The following MEF2A variants were observed in gnomAD, a reference collection of about 807,000 sequenced individuals.
MEF2A encodes the protein myocyte enhancer factor 2A.
In MEF2A, 28 loss-of-function variants were observed where a neutral mutation model predicts 55.8. The observed-to-expected ratio is 0.50, with a 90% confidence interval of 0.37 to 0.69. The LOEUF (loss-of-function observed/expected upper bound fraction) is 0.69. Among genes scored for constraint, MEF2A ranks in the 30% least tolerant of loss-of-function variants. The pLI, the probability that MEF2A is intolerant of heterozygous loss-of-function variation, is 0.00. For synonymous variants in MEF2A, 239 were observed against 227.1 expected (o/e 1.05, Z -0.47); for missense variants, 528 against 626.2 (o/e 0.84, Z 1.67).
chr15:99,605,758 C>G (rs150678457), intron 2 of MEF2A, among the ~76,000 whole-genome samples: 3,178 of 151,648 alleles, frequency 0.021, 130 homozygotes, highest in African/African-American at 0.07. Flanking sequence ...ATCACCTGAG[C>G]CTAGGAGTTC....
chr15:99,624,940 A>T (rs568759945), intron 2 of MEF2A, among the ~76,000 whole-genome samples: 2 of 152,084 alleles, frequency 1.3e-5, no homozygotes, highest in African/African-American at 4.8e-5. Flanking sequence ...TTGACTTACG[A>T]TTTTTCGACT....
chr15:99,709,733 A>G (rs2058411985), intron 10 of MEF2A, among the ~76,000 whole-genome samples: 1 of 152,190 alleles, frequency 6.6e-6, no homozygotes. Flanking sequence ...TCCCCGTGTG[A>G]GTGATAACTA....
chr15:99,588,490 G>T (rs973489959), intron 1 of MEF2A, among the ~76,000 whole-genome samples: 1 of 151,562 alleles, frequency 6.6e-6, no homozygotes, highest in East Asian at 1.9e-4. Context: ...TATTTTAGCA[G>T]ACTCAAGGTT....
At chr15:99,676,578 T>C in intron 7 of MEF2A, among the ~76,000 whole-genome samples, 1 of 26,258 alleles carries the variant, frequency 3.8e-5, no homozygotes. Flanking sequence ...ACAGTTTTGT[T>C]TTTTTTTTTT....
At chr15:99,567,066 A>G (rs1458943686) in intron 1 of MEF2A, among the ~76,000 whole-genome samples, 1 of 152,248 alleles carries the variant, frequency 6.6e-6, no homozygotes, top group Admixed American at 6.5e-5. Context: ...GTTTTTCTTT[A>G]AAAGTGTAAC....
rs372314229 is a variant in MEF2A, at chr15:99,627,228, C to T, written c.-142-5750C>T. On this transcript the variant is annotated intron_variant, in intron 2 of 11. Coordinates refer to ENST00000557942, the MANE Select transcript of MEF2A (RefSeq NM_001319206.4). Reference sequence around the variant, plus strand: ...GAAAAAGTGGGAGTTTGAGATCAGCCTGGCCAACATGGTGAACCCCGCCTC... The same window carrying T: ...GAAAAAGTGGGAGTTTGAGATCAGCTTGGCCAACATGGTGAACCCCGCCTC... Among the ~76,000 whole-genome samples the T allele has an allele frequency of 1.2e-4, 18 of 151,674 alleles. No homozygotes were observed. The East Asian group carries it at 1.9e-3, about 16-fold the overall frequency.
chr15:99,681,184 A>C (rs1365565510), intron 7 of MEF2A, among the ~76,000 whole-genome samples: 1 of 152,234 alleles, frequency 6.6e-6, no homozygotes, highest in Non-Finnish European at 1.5e-5. Flanking sequence ...ATATGGTACT[A>C]GACATAGAAA....
chr15:99,624,057 C>A (rs143362669), intron 2 of MEF2A, among the ~76,000 whole-genome samples: 2 of 152,144 alleles, frequency 1.3e-5, no homozygotes, highest in Non-Finnish European at 2.9e-5. Context: ...CCACCCACCT[C>A]GACCTCCCAA....
chr15:99,567,353 A>G (rs1028959596), intron 1 of MEF2A, among the ~76,000 whole-genome samples: 27 of 152,146 alleles, frequency 1.8e-4, no homozygotes, highest in African/African-American at 5.8e-4. Context: ...ATCTATTACT[A>G]TATGAAGAGG....
chr15:99,618,725 A>G (rs1358057607), intron 2 of MEF2A, among the ~76,000 whole-genome samples: 1 of 152,208 alleles, frequency 6.6e-6, no homozygotes, highest in African/African-American at 2.4e-5. Flanking sequence ...AGAGAGAATG[A>G]AAGTTAATGA....
At chr15:99,578,125 TC>T (rs1206530066) in intron 1 of MEF2A, among the ~76,000 whole-genome samples, 1 of 152,254 alleles carries the variant, frequency 6.6e-6, no homozygotes, top group Non-Finnish European at 1.5e-5. Context: ...TCCATTCACT[TC>T]AGCATTCATT....
At chr15:99,582,035 G>T (rs141502652) in intron 1 of MEF2A, among the ~76,000 whole-genome samples, 2 of 152,100 alleles carry the variant, frequency 1.3e-5, no homozygotes, top group East Asian at 3.9e-4. Flanking sequence ...TTTTAATGCC[G>T]CTGGAATGTT....
intron 4 of MEF2A, among the ~76,000 whole-genome samples, chr15:99,665,750 AAAAAAGCCATC>A (rs1194234778): frequency 4.0e-5 from 6 of 150,532 alleles, no homozygotes; most frequent in African/African-American, 7.3e-5. Flanking sequence ...AAAAAAAAAA[AAAAAAGCCATC>A]AAAAAGTGGG....
At chr15:99,581,373 A>C (rs554998447) in intron 1 of MEF2A, among the ~76,000 whole-genome samples, 2 of 151,708 alleles carry the variant, frequency 1.3e-5, no homozygotes, top group African/African-American at 4.8e-5. Flanking sequence ...GTCGGTCTCT[A>C]TGCCCATGTG....
chr15:99,592,524 C>T (rs1466455490), intron 1 of MEF2A, among the ~76,000 whole-genome samples: 1 of 152,086 alleles, frequency 6.6e-6, no homozygotes, highest in East Asian at 1.9e-4. Flanking sequence ...ATAACTTAGA[C>T]TGGATAATTT....
chr15:99,661,395 C>G (rs1272985860), intron 4 of MEF2A, among the ~76,000 whole-genome samples: 1 of 146,966 alleles, frequency 6.8e-6, no homozygotes, highest in Non-Finnish European at 1.5e-5. Context: ...TTTAAGAACT[C>G]TGCATCCAAA....
chr15:99,624,797 A>G (rs2041806784), intron 2 of MEF2A, among the ~76,000 whole-genome samples: 1 of 152,222 alleles, frequency 6.6e-6, no homozygotes, highest in South Asian at 2.1e-4. Context: ...GAATCTATTA[A>G]TATAAAACAT....
chr15:99,678,834 C>CAGAATGGG (rs1175114619), intron 7 of MEF2A: 5 of 223,238 alleles, frequency 2.2e-5, no homozygotes, highest in African/African-American at 9.3e-5. Context: ...AAAGGCAAGA[C>CAGAATGGG]AGAATGGGAG....
chr15:99,711,438 G>A lies in MEF2A; in HGVS notation c.1136+678G>A, dbSNP rs191817365. Among the ~76,000 whole-genome samples the A allele has an allele frequency of 1.1e-3, 174 of 152,348 alleles. 1 individual carries two copies. Among genetic ancestry groups the A allele is most frequent in the African/African-American group, 4.0e-3 (166 of 41,572 alleles). ...AGAGGATTTACAGTGGCGCCCAGAT[G>A]AGGCCAGACATCCCTGACAGCCGGG... On this transcript the variant is annotated intron_variant, in intron 11 of 11. Transcript: ENST00000557942.
Sources: gnomAD v4.1 joint callset for allele counts (sites outside exome capture counted in the v4.1 genomes callset) on GRCh38, gnomAD v4.1.1 for gene constraint, MANE v1.5 for transcripts, NCBI Gene and HGNC (gene_info 2026-07-23, HGNC 2026-07-21) for gene names.